The following SHISA9 variants were observed in gnomAD, a reference collection of about 807,000 sequenced individuals.
SHISA9 encodes the protein shisa family member 9, also known as protein shisa-9.
A neutral mutation model predicts 38.0 loss-of-function variants in SHISA9; 13 were observed. That is an observed-to-expected ratio of 0.34 (90% CI 0.22 to 0.54). The LOEUF (loss-of-function observed/expected upper bound fraction) is 0.54. Among genes scored for constraint, SHISA9 ranks in the 20% least tolerant of loss-of-function variants. The probability of loss-of-function intolerance (pLI) is 0.91; values close to 1 mark genes in which losing one functional copy is unlikely to be tolerated. For synonymous variants in SHISA9, 275 were observed against 242.0 expected, an observed-to-expected ratio of 1.14 and a Z score of -1.27; for missense variants, 538 against 575.8, an observed-to-expected ratio of 0.93 and a Z score of 0.67.
chr16:13,403,948 G>GTCAGAA, the SHISA9 span, among the ~76,000 whole-genome samples: 2 of 152,140 alleles, frequency 1.3e-5, no homozygotes, highest in Non-Finnish European at 2.9e-5. Context: ...ATGTTTCTGT[G>GTCAGAA]ACCCTATCAA....
At chr16:13,125,410 C>T (rs1055632985) in intron 2 of SHISA9, among the ~76,000 whole-genome samples, 2 of 152,134 alleles carry the variant, frequency 1.3e-5, no homozygotes, top group African/African-American at 4.8e-5. Context: ...GTTTTATTAG[C>T]AGTGTGTCTT....
chr16:13,490,641 C>A, the SHISA9 span, among the ~76,000 whole-genome samples: 1 of 152,160 alleles, frequency 6.6e-6, no homozygotes, highest in Non-Finnish European at 1.5e-5. Context: ...CCTCTGGAAA[C>A]GACAGGCTTT....
At chr16:13,037,085 A>G (rs1596602595) in intron 2 of SHISA9, among the ~76,000 whole-genome samples, 1 of 98,998 alleles carries the variant, frequency 1.0e-5, no homozygotes, top group Non-Finnish European at 2.0e-5. Context: ...CACACACACC[A>G]CACCACACAC....
At chr16:13,366,052 T>C in the SHISA9 span, among the ~76,000 whole-genome samples, 3 of 152,226 alleles carry the variant, frequency 2.0e-5, no homozygotes, top group African/African-American at 7.2e-5. Context: ...TTAGTCGTTA[T>C]CATCACGTGG....
At chr16:13,113,609 G>T (rs559515828) in intron 2 of SHISA9, among the ~76,000 whole-genome samples, 1 of 152,274 alleles carries the variant, frequency 6.6e-6, no homozygotes, top group East Asian at 1.9e-4. Flanking sequence ...TCATTATTGC[G>T]TCCAATACAA....
intron 2 of SHISA9, among the ~76,000 whole-genome samples, chr16:13,173,871 T>C (rs2050709706): frequency 6.6e-6 from 1 of 152,034 alleles, no homozygotes; most frequent in Non-Finnish European, 1.5e-5. Flanking sequence ...AGCTTGGAGG[T>C]TCAGGGAGGG....
chr16:13,159,290 A>G (rs2142011262), intron 2 of SHISA9, among the ~76,000 whole-genome samples: 1 of 152,290 alleles, frequency 6.6e-6, no homozygotes, highest in Middle Eastern at 3.4e-3. Context: ...TTCCTGCCCC[A>G]GTTACTAGAA....
intron 2 of SHISA9, among the ~76,000 whole-genome samples, chr16:13,101,921 G>A (rs1489448551): frequency 6.6e-6 from 1 of 152,244 alleles, no homozygotes; most frequent in East Asian, 1.9e-4. Flanking sequence ...TTCCAGATGT[G>A]AGCTTCTCTT....
chr16:13,549,134 A>G, the SHISA9 span, among the ~76,000 whole-genome samples: 1 of 152,180 alleles, frequency 6.6e-6, no homozygotes, highest in Non-Finnish European at 1.5e-5. Context: ...AATACCACAC[A>G]ATCTCTCTCA....
In SHISA9 at chr16:13,236,812, A is replaced by G. The variant is rs546961793; in HGVS notation, c.*1403A>G. 2.0e-5 allele frequency: 3 copies of G among 152,300 alleles called. No individual in the cohort carries two copies. In the East Asian group the frequency reaches 5.8e-4, roughly 29 times the overall value. 9.4% of individuals were successfully genotyped at this position (152,300 alleles called of 1,614,324 possible). The stretch of plus-strand genomic sequence containing the variant: ...TTTCTAGCCCTCTCAAACCTGTCAG[A>G]TGTTTCTTGGTCCCGTAATTCCCAT... On this transcript the variant is annotated 3_prime_UTR_variant, in exon 5 of 5. Coordinates refer to ENST00000558583, the MANE Select transcript of SHISA9 (RefSeq NM_001145204.3).
the SHISA9 span, among the ~76,000 whole-genome samples, chr16:13,549,717 C>G: frequency 6.6e-6 from 1 of 151,942 alleles, no homozygotes; most frequent in Non-Finnish European, 1.5e-5. Context: ...ATCGTGTATA[C>G]AAGGAAGTGT....
the SHISA9 span, among the ~76,000 whole-genome samples, chr16:13,534,833 T>A: frequency 6.6e-6 from 1 of 152,272 alleles, no homozygotes; most frequent in African/African-American, 2.4e-5. Context: ...TCTCCTCTCC[T>A]CTTATCTTTG....
intron 1 of SHISA9, among the ~76,000 whole-genome samples, chr16:12,914,340 G>A (rs1056436344): frequency 5.9e-5 from 9 of 151,944 alleles, no homozygotes; most frequent in Non-Finnish European, 1.2e-4. Flanking sequence ...CACCGTGCCC[G>A]GTAGTTTATC....
At chr16:13,105,731 A>C (rs1183952274) in intron 2 of SHISA9, among the ~76,000 whole-genome samples, 1 of 152,196 alleles carries the variant, frequency 6.6e-6, no homozygotes, top group Non-Finnish European at 1.5e-5. Context: ...TCATCTGCTG[A>C]GGAGAGCTGC....
At chr16:12,956,950 GTATA>G (rs1035666057) in intron 2 of SHISA9, among the ~76,000 whole-genome samples, 1 of 152,060 alleles carries the variant, frequency 6.6e-6, no homozygotes, top group Non-Finnish European at 1.5e-5. Flanking sequence ...TAACAATAAT[GTATA>G]TATATTCATC....
chr16:13,381,609 GTGT>G, the SHISA9 span, among the ~76,000 whole-genome samples: 1 of 152,172 alleles, frequency 6.6e-6, no homozygotes, highest in African/African-American at 2.4e-5. Context: ...GAGCAAAGTG[GTGT>G]TGGTGGTGCT....
the SHISA9 span, among the ~76,000 whole-genome samples, chr16:13,517,213 C>T: frequency 6.6e-6 from 1 of 152,170 alleles, no homozygotes; most frequent in African/African-American, 2.4e-5. Flanking sequence ...CAGGGTCACA[C>T]AGGATTGCTG....
At chr16:13,310,581 A>G in the SHISA9 span, among the ~76,000 whole-genome samples, 11 of 152,104 alleles carry the variant, frequency 7.2e-5, no homozygotes, top group Non-Finnish European at 1.2e-4. Context: ...TCATGTGTCT[A>G]CTGAAATCCT....
chr16:13,405,150 C>G, the SHISA9 span, among the ~76,000 whole-genome samples: 12 of 152,130 alleles, frequency 7.9e-5, no homozygotes, highest in Non-Finnish European at 1.6e-4. Context: ...GTAGACAAAT[C>G]TTTATTATCC....
Sources: gnomAD v4.1 joint callset for allele counts (sites outside exome capture counted in the v4.1 genomes callset) on GRCh38, gnomAD v4.1.1 for gene constraint, MANE v1.5 for transcripts, NCBI Gene and HGNC (gene_info 2026-07-23, HGNC 2026-07-21) for gene names.